Variants in MVB12B observed in about 807,000 individuals in gnomAD.
MVB12B encodes ESCRT-I complex subunit MVB12B.
MVB12B carries 16 observed loss-of-function variants against 41.6 expected under a neutral mutation model. The observed-to-expected ratio is 0.38, with a 90% CI of 0.26 to 0.58. The LOEUF (loss-of-function observed/expected upper bound fraction) is 0.58. MVB12B is among the 20% of genes least tolerant of loss of function. The probability of loss-of-function intolerance (pLI) is 0.62; values close to 1 mark genes in which losing one functional copy is unlikely to be tolerated. For synonymous variants in MVB12B, 133 were observed against 139.7 expected (o/e 0.95, Z 0.34); for missense variants, 274 against 380.2 (o/e 0.72, Z 2.32).
At chr9:126,467,961 C>T (rs900917580) in intron 7 of MVB12B, among the ~76,000 whole-genome samples, 1 of 152,206 alleles carries the variant, frequency 6.6e-6, no homozygotes, top group Non-Finnish European at 1.5e-5. Context: ...TGTATGCACA[C>T]ATGTGTGTAG....
chr9:126,463,042 G>A (rs749182191), intron 7 of MVB12B, among the ~76,000 whole-genome samples: 6 of 152,194 alleles, frequency 3.9e-5, no homozygotes, highest in African/African-American at 1.4e-4. Flanking sequence ...CATCAGCTCC[G>A]TCTCACACTG....
chr9:126,377,054 G>C (rs1830500743), intron 2 of MVB12B, among the ~76,000 whole-genome samples: 1 of 152,096 alleles, frequency 6.6e-6, no homozygotes, highest in South Asian at 2.1e-4. Flanking sequence ...GCAGTGCCAG[G>C]CCTTTGTGCT....
At chr9:126,425,932 G>T (rs1371756755) in intron 7 of MVB12B, among the ~76,000 whole-genome samples, 2 of 152,204 alleles carry the variant, frequency 1.3e-5, no homozygotes, top group Non-Finnish European at 2.9e-5. Context: ...CCCATCCAGG[G>T]CCTGTTTTGT....
rs1829398994 is a variant in MVB12B at position 126,340,061 on chromosome 9, G to A, written c.82-447G>A. 3.3e-5 allele frequency among the ~76,000 whole-genome samples: 5 copies of A among 152,156 alleles called. 1 individual carries two copies. The South Asian group carries it at 8.3e-4, about 25-fold the overall frequency. On this transcript the variant is annotated intron_variant, in intron 1 of 9. Coordinates refer to ENST00000361171, the MANE Select transcript of MVB12B (RefSeq NM_033446.3). This position sits in a 1 kb window ranked among gnomAD's most constrained non-coding sequence, Gnocchi z 4.0. ...GCTTCTTTGCAAAGCTCTGCGTGCT[G>A]AAGGCCTAACCTTGGCTGTGGGTTT...
intron 1 of MVB12B, among the ~76,000 whole-genome samples, chr9:126,337,483 G>T (rs972588868): frequency 1.3e-5 from 2 of 152,146 alleles, no homozygotes; most frequent in African/African-American, 4.8e-5. Flanking sequence ...AGAAAGAAAA[G>T]CTTTGGCATT....
intron 6 of MVB12B, among the ~76,000 whole-genome samples, chr9:126,398,735 G>A (rs981710045): frequency 1.3e-5 from 2 of 152,236 alleles, no homozygotes; most frequent in African/African-American, 4.8e-5. Flanking sequence ...CTCTTTCGCC[G>A]CAGAGCCCTG....
chr9:126,395,485 T>C lies in MVB12B; in HGVS notation c.540-90T>C. On this transcript the variant is annotated intron_variant, in intron 5 of 9. Transcript: ENST00000361171. This position sits in a 1 kb window ranked among gnomAD's most constrained non-coding sequence, Gnocchi z 4.9. ...ATTGATTCCCTGGTGTTTGAGGCCA[T>C]GACTCTTTTAAATGAATTGGTTTGC... 1 of 1,486,944 alleles carries C rather than the reference T, an allele frequency of 6.7e-7. No homozygotes were observed. The highest frequency in any genetic ancestry group is 1.2e-5 in the South Asian group (1 of 80,494). The allele number at this position is 1,486,944 out of a possible 1,614,324, so 92.1% of individuals were successfully genotyped here. A position where few individuals can be genotyped will look rare whatever the true frequency, so the allele number is the denominator to read the frequency against.
At chr9:126,344,047 T>TTAAA (rs764708210) in intron 2 of MVB12B, among the ~76,000 whole-genome samples, 5 of 128,794 alleles carry the variant, frequency 3.9e-5, no homozygotes, top group African/African-American at 5.8e-5. Context: ...CTTTTCTTGG[T>TTAAA]AAAAAAAAAA....
At chr9:126,408,304 T>C (rs1401016380) in intron 6 of MVB12B, 1 of 152,236 alleles carries the variant, frequency 6.6e-6, no homozygotes, top group African/African-American at 2.4e-5. Flanking sequence ...TAATTATGGC[T>C]CTGGAGAGTT....
intron 7 of MVB12B, among the ~76,000 whole-genome samples, chr9:126,434,247 A>T (rs1261097362): frequency 1.2e-5 from 1 of 83,396 alleles, no homozygotes; most frequent in Non-Finnish European, 2.8e-5. Context: ...TTTATGTTTA[A>T]AAAAAAAAAT....
At chr9:126,347,668 G>A (rs1328806466) in intron 2 of MVB12B, among the ~76,000 whole-genome samples, 1 of 152,190 alleles carries the variant, frequency 6.6e-6, no homozygotes, top group Non-Finnish European at 1.5e-5. Flanking sequence ...GAAGGAAAAA[G>A]AATCTCAATG....
In MVB12B at chr9:126,407,379, G is replaced by A. The variant is rs558261550; in HGVS notation, c.662+11682G>A. Among the ~76,000 whole-genome samples the A allele has an allele frequency of 1.1e-4, 16 of 152,304 alleles. No individual in the cohort carries two copies. The South Asian group carries it at 3.3e-3, about 32-fold the overall frequency. On this transcript the variant is annotated intron_variant, in intron 6 of 9. Coordinates refer to ENST00000361171, the MANE Select transcript of MVB12B (RefSeq NM_033446.3). ...CCCTGGCCTTCTCCCAGCACACAACGAGTGGGAGCTCTGTGTGCTGGCCGG... is the reference window on the plus strand; with the variant it reads ...CCCTGGCCTTCTCCCAGCACACAACAAGTGGGAGCTCTGTGTGCTGGCCGG...
chr9:126,416,817 C>T (rs1241034227), intron 6 of MVB12B, among the ~76,000 whole-genome samples: 1 of 152,150 alleles, frequency 6.6e-6, no homozygotes, highest in Admixed American at 6.5e-5. Context: ...CAGCCCAGGT[C>T]CTGGCAGGTG....
intron 9 of MVB12B, among the ~76,000 whole-genome samples, chr9:126,498,735 G>A (rs112777699): frequency 0.014 from 2,197 of 152,322 alleles, 56 homozygotes; most frequent in African/African-American, 0.049. Flanking sequence ...TGCAAAGCTC[G>A]GGTGCTGGGA....
intron 1 of MVB12B, among the ~76,000 whole-genome samples, chr9:126,338,183 T>G (rs2429921): frequency 0.075 from 11,412 of 152,244 alleles, 553 homozygotes; most frequent in Middle Eastern, 0.16. Context: ...GCACAGCAGC[T>G]GGGGGGAAGG....
chr9:126,372,896 C>T (rs1305758122), intron 2 of MVB12B, among the ~76,000 whole-genome samples: 2 of 152,038 alleles, frequency 1.3e-5, no homozygotes, highest in Non-Finnish European at 2.9e-5. Context: ...GGGAGCAACA[C>T]GAGCAAAGGC....
chr9:126,460,917 CAGAA>C (rs1337914828), intron 7 of MVB12B, among the ~76,000 whole-genome samples: 1 of 152,178 alleles, frequency 6.6e-6, no homozygotes, highest in Non-Finnish European at 1.5e-5. Context: ...AGTCAATACA[CAGAA>C]AGCCCCAAGA....
chr9:126,357,676 TGGGTTATTTGTCTTATTCAGTTGAAA>T (rs1829919097), intron 2 of MVB12B, among the ~76,000 whole-genome samples: 1 of 152,184 alleles, frequency 6.6e-6, no homozygotes, highest in Admixed American at 6.5e-5. Flanking sequence ...TGCTTTTCAC[TGGGTTATTTGTCTTATTCAGTTGAAA>T]GGGTTCTTTG....
chr9:126,417,459 TA>T (rs1194809112), intron 6 of MVB12B, among the ~76,000 whole-genome samples: 2 of 152,122 alleles, frequency 1.3e-5, no homozygotes, highest in African/African-American at 2.4e-5. Context: ...GTTTCCTCCA[TA>T]ATGGAGAGAG....
Sources: gnomAD v4.1 joint callset for allele counts (sites outside exome capture counted in the v4.1 genomes callset) on GRCh38, gnomAD v4.1.1 for gene constraint, Gnocchi (gnomAD v3.1) non-coding constraint, MANE v1.5 for transcripts, NCBI Gene and HGNC (gene_info 2026-07-23, HGNC 2026-07-21) for gene names.